NBAS: variants seen among roughly 807,000 people sequenced by gnomAD.
NBAS encodes the protein NBAS subunit of NRZ tethering complex.
Under a neutral mutation model 302.5 loss-of-function variants are expected in NBAS, and 219 were observed. That is an observed-to-expected ratio of 0.72 (90% confidence interval 0.65 to 0.81). The LOEUF (loss-of-function observed/expected upper bound fraction) is 0.81. NBAS is among the 30% of genes least tolerant of loss of function. The probability of loss-of-function intolerance (pLI) is 0.00; values close to 1 mark genes in which losing one functional copy is unlikely to be tolerated. For synonymous variants in NBAS, 1,118 were observed against 1,021.6 expected, an observed-to-expected ratio of 1.09 and a Z score of -1.80; for missense variants, 2,932 against 2,841.6, an observed-to-expected ratio of 1.03 and a Z score of -0.72.
chr2:14,922,189 G>A, the NBAS span, among the ~76,000 whole-genome samples: 1 of 152,206 alleles, frequency 6.6e-6, no homozygotes, highest in African/African-American at 2.4e-5. Context: ...GAGAGTCCAG[G>A]CAGGGCTGGA....
At chr2:15,011,430 C>G in the NBAS span, among the ~76,000 whole-genome samples, 2 of 152,144 alleles carry the variant, frequency 1.3e-5, no homozygotes, top group African/African-American at 4.8e-5. Flanking sequence ...AGACATGGCC[C>G]CCCAGACCAG....
intron 6 of NBAS, among the ~76,000 whole-genome samples, chr2:15,544,355 G>A (rs1204420410): frequency 6.6e-6 from 1 of 151,998 alleles, no homozygotes; most frequent in African/African-American, 2.4e-5. Context: ...AGTGACAAAT[G>A]GTGAAGGGAG....
chr2:15,484,920 T>G (rs1680562335), intron 12 of NBAS, among the ~76,000 whole-genome samples: 1 of 152,152 alleles, frequency 6.6e-6, no homozygotes, highest in Non-Finnish European at 1.5e-5. Flanking sequence ...TTATACTTAC[T>G]ATAATACACT....
At chr2:15,177,648 C>T (rs1664612674) in intron 51 of NBAS, among the ~76,000 whole-genome samples, 1 of 152,150 alleles carries the variant, frequency 6.6e-6, no homozygotes, top group Admixed American at 6.5e-5. Flanking sequence ...AAAAAATGCA[C>T]TGAGAATATG....
intron 6 of NBAS, among the ~76,000 whole-genome samples, chr2:15,543,893 A>C (rs1270267086): frequency 6.6e-6 from 1 of 152,186 alleles, no homozygotes; most frequent in Non-Finnish European, 1.5e-5. Context: ...AAATGTCAGG[A>C]GCTGTGTCTA....
At chr2:15,287,679 G>A (rs1207640269) in intron 41 of NBAS, among the ~76,000 whole-genome samples, 1 of 149,194 alleles carries the variant, frequency 6.7e-6, no homozygotes, top group Non-Finnish European at 1.5e-5. Flanking sequence ...CAGTCCCGTG[G>A]AGGCATCCCG....
the NBAS span, among the ~76,000 whole-genome samples, chr2:14,814,213 T>TA: frequency 5.1e-4 from 78 of 152,280 alleles, 1 homozygote; most frequent in African/African-American, 1.8e-3. Flanking sequence ...AGCCCGCACA[T>TA]AGAGTCCCCA....
the NBAS span, among the ~76,000 whole-genome samples, chr2:14,947,800 G>A: frequency 6.6e-6 from 1 of 151,610 alleles, no homozygotes; most frequent in African/African-American, 2.4e-5. Context: ...TTTATAACCA[G>A]TTTCATGAGG....
At chr2:15,555,399 T>A (rs1175580277) in intron 3 of NBAS, among the ~76,000 whole-genome samples, 1 of 152,020 alleles carries the variant, frequency 6.6e-6, no homozygotes, top group Non-Finnish European at 1.5e-5. Flanking sequence ...TATATGAGGA[T>A]GATAATTTCC....
intron 41 of NBAS, among the ~76,000 whole-genome samples, chr2:15,290,510 C>T (rs540665526): frequency 9.2e-5 from 14 of 152,248 alleles, no homozygotes; most frequent in Non-Finnish European, 1.6e-4. Flanking sequence ...ATATAAGGCA[C>T]GCCCTGCCTT....
chr2:14,991,679 A>C, the NBAS span, among the ~76,000 whole-genome samples: 1 of 152,198 alleles, frequency 6.6e-6, no homozygotes, highest in East Asian at 1.9e-4. Flanking sequence ...TGTTCAGCCA[A>C]GTTATCCAAA....
At chr2:14,862,136 T>G in the NBAS span, among the ~76,000 whole-genome samples, 1 of 141,256 alleles carries the variant, frequency 7.1e-6, no homozygotes. Context: ...CCAGATTTAT[T>G]TAAGCATTTT....
At chr2:15,008,622 G>A in the NBAS span, among the ~76,000 whole-genome samples, 1 of 152,104 alleles carries the variant, frequency 6.6e-6, no homozygotes, top group East Asian at 1.9e-4. Flanking sequence ...TCTGATCGGG[G>A]CTACTTGCTT....
the NBAS span, among the ~76,000 whole-genome samples, chr2:14,944,129 C>T: frequency 6.6e-6 from 1 of 152,176 alleles, no homozygotes; most frequent in Admixed American, 6.5e-5. Flanking sequence ...GAAACCCCGT[C>T]TCTACTAAAA....
chr2:15,141,869 T>C, the NBAS span, among the ~76,000 whole-genome samples: 1,366 of 152,212 alleles, frequency 9.0e-3, 23 homozygotes, highest in African/African-American at 0.026. Flanking sequence ...AGGCACCAAA[T>C]AAACTCAGCA....
At chr2:14,848,510 G>A in the NBAS span, among the ~76,000 whole-genome samples, 18 of 144,436 alleles carry the variant, frequency 1.2e-4, no homozygotes, top group East Asian at 2.7e-3. Flanking sequence ...AGGGGCGCCC[G>A]CCATTGCCCA....
the NBAS span, among the ~76,000 whole-genome samples, chr2:14,841,360 C>T: frequency 6.7e-6 from 1 of 150,138 alleles, no homozygotes; most frequent in Admixed American, 6.6e-5. Context: ...TAAATGGAGT[C>T]AATTCTCTAA....
intron 44 of NBAS, among the ~76,000 whole-genome samples, chr2:15,270,848 C>T (rs1327907226): frequency 6.6e-6 from 1 of 152,164 alleles, no homozygotes; most frequent in African/African-American, 2.4e-5. Flanking sequence ...TGGCACATAG[C>T]AAATGCCTAA....
chr2:15,256,193 T>A, intron 44 of NBAS, among the ~76,000 whole-genome samples: 1 of 152,330 alleles, frequency 6.6e-6, no homozygotes, highest in East Asian at 1.9e-4. Context: ...GAGCATGGGA[T>A]GTGTTTCCAT....
Sources: gnomAD v4.1 joint callset for allele counts (sites outside exome capture counted in the v4.1 genomes callset) on GRCh38, gnomAD v4.1.1 for gene constraint, MANE v1.5 for transcripts, NCBI Gene and HGNC (gene_info 2026-07-23, HGNC 2026-07-21) for gene names.